The following CFAP54 variants were observed in gnomAD, a reference collection of about 807,000 sequenced individuals.
The protein encoded by CFAP54 is cilia and flagella associated protein 54.
CFAP54 carries 290 observed loss-of-function variants against 370.4 expected under a neutral mutation model. The observed-to-expected ratio is 0.78, with a 90% confidence interval of 0.71 to 0.86. The LOEUF (loss-of-function observed/expected upper bound fraction) is 0.86. Among genes scored for constraint, CFAP54 ranks in the 40% least tolerant of loss-of-function variants. The pLI is 0.00. For missense variants in CFAP54, 3,399 were observed against 3,528.7 expected (o/e 0.96, Z 0.93); for synonymous variants, 1,206 against 1,236.5 (o/e 0.98, Z 0.52).
chr12:96,758,225 G>C (rs1592745779), intron 58 of CFAP54, among the ~76,000 whole-genome samples: 2 of 152,030 alleles, frequency 1.3e-5, no homozygotes, highest in South Asian at 4.2e-4. Context: ...GGAGAAGGAG[G>C]GGAAGGGCAT....
At chr12:96,492,895 G>A (rs1954901225) in intron 1 of CFAP54, among the ~76,000 whole-genome samples, 1 of 151,958 alleles carries the variant, frequency 6.6e-6, no homozygotes, top group Non-Finnish European at 1.5e-5. Context: ...TCAGGAGGCT[G>A]AGGCATGAGA....
At chr12:96,767,333 A>G (rs1225714381) in intron 60 of CFAP54, among the ~76,000 whole-genome samples, 2 of 152,260 alleles carry the variant, frequency 1.3e-5, no homozygotes, top group Admixed American at 6.5e-5. Flanking sequence ...CCAGGGGCAC[A>G]CAGTGGAAAA....
chr12:96,707,682 T>C (rs900607371), intron 47 of CFAP54, among the ~76,000 whole-genome samples: 1 of 152,050 alleles, frequency 6.6e-6, no homozygotes, highest in Non-Finnish European at 1.5e-5. Flanking sequence ...GAGTAGCCCA[T>C]TGGAGAAAGG....
At chr12:96,802,310 C>T (rs983772611) in intron 63 of CFAP54, among the ~76,000 whole-genome samples, 1 of 152,114 alleles carries the variant, frequency 6.6e-6, no homozygotes. Flanking sequence ...GTCACAAAGC[C>T]ACAGCTGGCA....
At chr12:96,613,444 A>T (rs1592883371) in intron 26 of CFAP54, among the ~76,000 whole-genome samples, 1 of 152,358 alleles carries the variant, frequency 6.6e-6, no homozygotes, top group East Asian at 1.9e-4. Flanking sequence ...ACACCCTAGC[A>T]TCACAATTAA....
chr12:96,614,131 G>C (rs1170262795), intron 26 of CFAP54, among the ~76,000 whole-genome samples: 2 of 152,036 alleles, frequency 1.3e-5, no homozygotes, highest in Non-Finnish European at 2.9e-5. Context: ...GCTGGCAAAC[G>C]GAATCCAGCA....
At chr12:96,630,823 C>T (rs1335911401) in intron 32 of CFAP54, among the ~76,000 whole-genome samples, 172 bp downstream of exon 32, 1 of 151,776 alleles carries the variant, frequency 6.6e-6, no homozygotes, top group Non-Finnish European at 1.5e-5. Flanking sequence ...CCTAAATAAA[C>T]AAGACAGTTA....
chr12:96,802,877 G>A (rs1268409909), intron 63 of CFAP54, among the ~76,000 whole-genome samples: 2 of 151,982 alleles, frequency 1.3e-5, no homozygotes, highest in Non-Finnish European at 2.9e-5. Flanking sequence ...CCCTCCCTGT[G>A]TCCATGTGTT....
At chr12:96,539,170 C>T (rs954498623) in intron 13 of CFAP54, among the ~76,000 whole-genome samples, 3 of 149,186 alleles carry the variant, frequency 2.0e-5, no homozygotes, top group Admixed American at 1.4e-4. Context: ...AAGCGATTCT[C>T]CTGCCTCAGC....
At chr12:96,564,336 TTATC>T in intron 17 of CFAP54, 128 bp from the exon 18 acceptor site, 1 of 492,130 alleles carries the variant, frequency 2.0e-6, no homozygotes, top group South Asian at 4.0e-5. Flanking sequence ...ATATGAATTT[TTATC>T]TATTAATGAA....
At chr12:96,813,013 A>G (rs188012752) in intron 64 of CFAP54, among the ~76,000 whole-genome samples, 1 of 152,178 alleles carries the variant, frequency 6.6e-6, no homozygotes, top group East Asian at 1.9e-4. Flanking sequence ...TCAAAAACTT[A>G]GGTACAGGCT....
intron 45 of CFAP54, among the ~76,000 whole-genome samples, chr12:96,695,091 T>C (rs914763416): frequency 2.0e-5 from 3 of 152,114 alleles, no homozygotes; most frequent in Non-Finnish European, 4.4e-5. Flanking sequence ...TCAATCTCCA[T>C]CCATGGTGTG....
intron 66 of CFAP54, among the ~76,000 whole-genome samples, chr12:96,830,654 A>G (rs1228519222): frequency 1.3e-5 from 2 of 151,712 alleles, no homozygotes; most frequent in Non-Finnish European, 2.9e-5. Context: ...TTACCCACAT[A>G]TTCATCTCTC....
intron 32 of CFAP54, among the ~76,000 whole-genome samples, chr12:96,636,024 A>AC (rs1437223770): frequency 1.3e-5 from 2 of 152,082 alleles, no homozygotes; most frequent in Admixed American, 1.3e-4. Flanking sequence ...GAAAGGTCTC[A>AC]CCCTCTAATC....
In CFAP54 at chr12:96,784,785, G is replaced by T. The variant is rs757544131; in HGVS notation, c.8350G>T (p.Ala2784Ser). 6 of 1,534,562 alleles carry T rather than the reference G, an allele frequency of 3.9e-6. No individual in the cohort carries two copies. Among genetic ancestry groups the T allele is most frequent in the Admixed American group, 2.0e-5 (1 of 50,900 alleles). Reference protein sequence around the residue: ...LYQNDDVCDSADGRKKTQTKV... With the variant: ...LYQNDDVCDSSDGRKKTQTKV... ...CCAAAATGATGATGTGTGTGACAGCGCAGATGGTAGAAAAAAGACTCAGAC... is the reference window on the plus strand; with the variant it reads ...CCAAAATGATGATGTGTGTGACAGCTCAGATGGTAGAAAAAAGACTCAGAC... The change falls in exon 61 of 68, where the codon GCA (alanine) becomes TCA (serine). Residue 2784 changes from alanine to serine, a missense_variant. Transcript: ENST00000524981.
Position 96,756,423 on chromosome 12 carries a change from G to A in CFAP54, c.7841-35G>A, listed in dbSNP as rs376830345. On this transcript the variant is annotated intron_variant, in intron 56 of 67. Coordinates refer to ENST00000524981, the MANE Select transcript of CFAP54 (RefSeq NM_001306084.2). Reference sequence around the variant, plus strand: ...TCTTAAGTTCTAAGTGCTAGAAAAAGGAAAAACCATCTTTGTATCTTTTTC... The same window carrying A: ...TCTTAAGTTCTAAGTGCTAGAAAAAAGAAAAACCATCTTTGTATCTTTTTC... The A allele has an allele frequency of 1.1e-5, 15 of 1,312,424 alleles. No individual in the cohort carries two copies. The African/African-American group carries it at 2.2e-4, about 20-fold the overall frequency. 81.3% of individuals were successfully genotyped at this position (1,312,424 alleles called of 1,614,324 possible). A position where few individuals can be genotyped will look rare whatever the true frequency, so the allele number is the denominator to read the frequency against.
At chr12:96,569,968 A>C (rs1955898339) in intron 19 of CFAP54, among the ~76,000 whole-genome samples, 1 of 151,952 alleles carries the variant, frequency 6.6e-6, no homozygotes, top group African/African-American at 2.4e-5. Flanking sequence ...TAGGCCTTTA[A>C]AAATTTATTT....
At chr12:96,670,547 C>T (rs907241243) in intron 39 of CFAP54, among the ~76,000 whole-genome samples, 4 of 152,196 alleles carry the variant, frequency 2.6e-5, no homozygotes, top group Non-Finnish European at 4.4e-5. Context: ...AAGTATGTTC[C>T]TATGCTGTAC....
chr12:96,636,429 C>A (rs1192414740), intron 32 of CFAP54, among the ~76,000 whole-genome samples: 2 of 152,122 alleles, frequency 1.3e-5, no homozygotes, highest in African/African-American at 4.8e-5. Flanking sequence ...GTTATACTCT[C>A]ACATTAACTT....
Sources: gnomAD v4.1 joint callset for allele counts (sites outside exome capture counted in the v4.1 genomes callset) on GRCh38, gnomAD v4.1.1 for gene constraint, MANE v1.5 for transcripts, NCBI Gene and HGNC (gene_info 2026-07-23, HGNC 2026-07-21) for gene names.